PTPRD: variants seen among roughly 807,000 people sequenced by gnomAD.
The protein encoded by PTPRD is receptor-type tyrosine-protein phosphatase delta.
Under a neutral mutation model 214.5 loss-of-function variants are expected in PTPRD, and 34 were observed. The observed-to-expected ratio is 0.16, with a 90% confidence interval of 0.12 to 0.21. PTPRD has a LOEUF of 0.21. Ranked by LOEUF, PTPRD falls within the 10% of genes least tolerant of loss-of-function variation. PTPRD has a pLI of 1.00. For missense variants in PTPRD, 2,545 were observed against 2,398.7 expected, an observed-to-expected ratio of 1.06 and a Z score of -1.27; for synonymous variants, 1,128 against 845.7, an observed-to-expected ratio of 1.33 and a Z score of -5.79.
At chr9:9,428,827 C>T (rs2082009267) in intron 8 of PTPRD, among the ~76,000 whole-genome samples, 1 of 152,154 alleles carries the variant, frequency 6.6e-6, no homozygotes, top group South Asian at 2.1e-4. Flanking sequence ...GAAATGAAGG[C>T]AGAAATAAAG....
At chr9:10,413,075 C>A (rs2098453623) in intron 2 of PTPRD, among the ~76,000 whole-genome samples, 1 of 151,914 alleles carries the variant, frequency 6.6e-6, no homozygotes, top group Admixed American at 6.6e-5. Flanking sequence ...TCCTCTCTCA[C>A]CACTCCTATT....
rs1192322430 is a variant in PTPRD, at chr9:10,612,484, T to G, written c.-686A>C. 1.3e-5 allele frequency: 2 copies of G among 152,260 alleles called. No homozygotes were observed. The highest frequency in any genetic ancestry group is 4.8e-5 in the African/African-American group (2 of 41,456). The allele number at this position is 152,260 out of a possible 1,614,324, so 9.4% of individuals were successfully genotyped here. ...AGTCAAATAAAGAATTGTCTTTCTA[T>G]TCCACACAGGCCCAGAATAAACTGC... On this transcript the variant is annotated 5_prime_UTR_variant, in exon 2 of 46. Transcript: ENST00000381196.
chr9:10,043,801 C>G (rs1044448290), intron 3 of PTPRD, among the ~76,000 whole-genome samples: 5 of 151,834 alleles, frequency 3.3e-5, no homozygotes, highest in African/African-American at 1.2e-4. Flanking sequence ...CTGCACACAG[C>G]TGCAAAATTC....
At chr9:9,794,790 A>G (rs1263246065) in intron 5 of PTPRD, among the ~76,000 whole-genome samples, 1 of 152,214 alleles carries the variant, frequency 6.6e-6, no homozygotes, top group Non-Finnish European at 1.5e-5. Flanking sequence ...TATCTCTCTA[A>G]AGGTCTTATC....
At chr9:8,507,243 T>G (rs1442602751) in intron 22 of PTPRD, 58 bp downstream of exon 22, 1 of 1,567,312 alleles carries the variant, frequency 6.4e-7, no homozygotes, top group Non-Finnish European at 8.6e-7. Flanking sequence ...TACACAAAAA[T>G]AAAAAAGTGG....
chr9:9,777,101 A>G (rs970876374), intron 5 of PTPRD, among the ~76,000 whole-genome samples: 5 of 152,250 alleles, frequency 3.3e-5, no homozygotes, highest in African/African-American at 4.8e-5. Flanking sequence ...GCTAGTTGTT[A>G]TGGCTAACAT....
intron 3 of PTPRD, among the ~76,000 whole-genome samples, chr9:10,071,907 C>T (rs775932190): frequency 6.6e-6 from 1 of 151,472 alleles, no homozygotes; most frequent in South Asian, 2.1e-4. Context: ...CAATTTTTTT[C>T]GTTTTTTTAA....
At chr9:9,003,444 A>G (rs146470634) in intron 11 of PTPRD, among the ~76,000 whole-genome samples, 8 of 152,108 alleles carry the variant, frequency 5.3e-5, no homozygotes, top group Non-Finnish European at 1.2e-4. Context: ...TCAAATGCCT[A>G]TTCTCCTTTA....
At chr9:10,121,833 G>C (rs1033139570) in intron 3 of PTPRD, among the ~76,000 whole-genome samples, 1 of 152,014 alleles carries the variant, frequency 6.6e-6, no homozygotes, top group Non-Finnish European at 1.5e-5. Flanking sequence ...CCAACCATGA[G>C]GATTGAGGGT....
intron 11 of PTPRD, among the ~76,000 whole-genome samples, chr9:8,881,955 G>T (rs1017021695): frequency 1.2e-4 from 18 of 152,152 alleles, no homozygotes; most frequent in Non-Finnish European, 1.6e-4. Context: ...CAAGAACCAT[G>T]TTTTTTCCTG....
At chr9:10,565,334 A>G (rs948238860) in intron 2 of PTPRD, among the ~76,000 whole-genome samples, 6 of 152,084 alleles carry the variant, frequency 3.9e-5, no homozygotes, top group Non-Finnish European at 7.4e-5. Flanking sequence ...TTTCTACTGT[A>G]TAAATATTCC....
In PTPRD at chr9:9,740,912, G is replaced by A. The variant is rs78594269; in HGVS notation, c.-325-6341C>T. Among the ~76,000 whole-genome samples the A allele has an allele frequency of 9.3e-3, 1,420 of 152,110 alleles. 23 individuals carry two copies. The highest frequency in any genetic ancestry group is 0.031 in the African/African-American group (1,299 of 41,488). ...AAATACCATATTCAACAACATAGAT[G>A]GTAGTATATTCTATGTGGCTGAAGT... On this transcript the variant is annotated intron_variant, in intron 6 of 45. Transcript: ENST00000381196.
intron 2 of PTPRD, among the ~76,000 whole-genome samples, chr9:10,511,569 A>AT (rs66768632): frequency 0.058 from 7,359 of 127,784 alleles, 464 homozygotes; most frequent in East Asian, 0.18. Flanking sequence ...ACACCCTGGT[A>AT]TTTTTTTTTT....
intron 2 of PTPRD, among the ~76,000 whole-genome samples, chr9:10,379,350 C>A (rs1371579773): frequency 6.6e-6 from 1 of 151,316 alleles, no homozygotes; most frequent in Non-Finnish European, 1.5e-5. Context: ...TTTAGATGAA[C>A]TTTATTTCTT....
At chr9:10,380,694 T>C (rs1478448761) in intron 2 of PTPRD, among the ~76,000 whole-genome samples, 1 of 152,034 alleles carries the variant, frequency 6.6e-6, no homozygotes. Flanking sequence ...CTAGTAATTG[T>C]GAAAAACGTT....
chr9:10,221,316 C>T (rs1343986529), intron 3 of PTPRD, among the ~76,000 whole-genome samples: 1 of 151,962 alleles, frequency 6.6e-6, no homozygotes, highest in Non-Finnish European at 1.5e-5. Context: ...TATACGCAAA[C>T]ACAGACACAC....
intron 9 of PTPRD, among the ~76,000 whole-genome samples, chr9:9,384,054 C>T (rs2063108796): frequency 6.6e-6 from 1 of 151,610 alleles, no homozygotes; most frequent in South Asian, 2.1e-4. Context: ...CCAACAACCA[C>T]ATTCTATTAC....
At chr9:9,971,856 G>C (rs1280635629) in intron 4 of PTPRD, among the ~76,000 whole-genome samples, 1 of 151,932 alleles carries the variant, frequency 6.6e-6, no homozygotes, top group African/African-American at 2.4e-5. Context: ...GGGCATATTT[G>C]GGATGGGTCA....
Position 8,733,862 on chromosome 9 carries a change from C to A in PTPRD, c.-19G>T. 6.5e-7 allele frequency: 1 copy of A among 1,549,628 alleles called. No homozygotes were observed. Among genetic ancestry groups the A allele is most frequent in the South Asian group, 1.2e-5 (1 of 84,018 alleles). On this transcript the variant is annotated 5_prime_UTR_variant, in exon 12 of 46. Transcript: ENST00000381196. Reference sequence around the variant, plus strand: ...GCACCATCCTGCAGCTTGGCAGCAGCGTGCGCGAGCAGCTTGGAATCACTG... The same window carrying A: ...GCACCATCCTGCAGCTTGGCAGCAGAGTGCGCGAGCAGCTTGGAATCACTG...
Sources: gnomAD v4.1 joint callset for allele counts (sites outside exome capture counted in the v4.1 genomes callset) on GRCh38, gnomAD v4.1.1 for gene constraint, MANE v1.5 for transcripts, NCBI Gene and HGNC (gene_info 2026-07-23, HGNC 2026-07-21) for gene names.